Variants in MRTFA observed in about 807,000 individuals in gnomAD.
MRTFA encodes the protein myocardin-related transcription factor A.
A neutral mutation model predicts 83.5 loss-of-function variants in MRTFA; 20 were observed. The observed-to-expected ratio is 0.24, with a 90% CI of 0.17 to 0.35. The LOEUF (loss-of-function observed/expected upper bound fraction) is 0.35, where lower values mean the gene tolerates loss of function less well. MRTFA is among the 10% of genes least tolerant of loss of function. MRTFA has a pLI of 1.00. For synonymous variants in MRTFA, 659 were observed against 541.2 expected (o/e 1.22, Z -3.02); for missense variants, 1,200 against 1,224.7 (o/e 0.98, Z 0.30).
chr22:40,586,918 GTGCTGGTGC>G lies in MRTFA; in HGVS notation c.-22+7747_-22+7755del, dbSNP rs2056038742. ...GGTGCTGCTGGTGCTGCTGGTGCTGGTGCTGGTGCTGCTGCTGCTGCTGCCACCGCCGCC... is the reference window on the plus strand; with the variant it reads ...GGTGCTGCTGGTGCTGCTGGTGCTGGTGCTGCTGCTGCTGCCACCGCCGCC... On this transcript the variant is annotated intron_variant, in intron 2 of 14. Coordinates refer to ENST00000355630, the MANE Select transcript of MRTFA (RefSeq NM_020831.6). 48 of 432,128 alleles carry G rather than the reference GTGCTGGTGC, an allele frequency of 1.1e-4. No individual in the cohort carries two copies. The East Asian group carries it at 1.1e-3, about 10-fold the overall frequency. The allele number at this position is 432,128 out of a possible 1,614,324, so 26.8% of individuals were successfully genotyped here. A position where few individuals can be genotyped will look rare whatever the true frequency, so the allele number is the denominator to read the frequency against.
Position 40,558,781 on chromosome 22 carries a change from T to G in MRTFA, c.-21-6414A>C, listed in dbSNP as rs1056928218. 1.9e-3 allele frequency among the ~76,000 whole-genome samples: 269 copies of G among 143,640 alleles called. 1 individual carries two copies. Among genetic ancestry groups the G allele is most frequent in the Non-Finnish European group, 5.5e-4 (36 of 65,922 alleles). 94.2% of individuals were successfully genotyped at this position (143,640 alleles called of 152,430 possible). On this transcript the variant is annotated intron_variant, in intron 2 of 14. Transcript: ENST00000355630. ...TTGGTTTTTTGGTTTTTGTTTTTTT[T>G]GGGGGGGTTTTTTGGGTTTTTTTTT...
rs1460655710 is a variant in MRTFA, at chr22:40,410,938, G to GA, written c.*451_*452insT. 1 of 236,062 alleles carries GA rather than the reference G, an allele frequency of 4.2e-6. No individual in the cohort carries two copies. Among genetic ancestry groups the GA allele is most frequent in the East Asian group, 6.0e-5 (1 of 16,600 alleles). 14.6% of individuals were successfully genotyped at this position (236,062 alleles called of 1,614,324 possible). ...TGGGGTTGGCAGACACAGGGAATAG[G>GA]GGGTAGAGGCCCAGGCTAATTTCTC... is the stretch of plus-strand genomic sequence containing the variant. On this transcript the variant is annotated 3_prime_UTR_variant, in exon 15 of 15. Transcript: ENST00000355630.
intron 9 of MRTFA, 70 bp downstream of exon 9, chr22:40,423,466 G>A: frequency 7.5e-7 from 1 of 1,335,438 alleles, no homozygotes; most frequent in East Asian, 2.7e-5. Flanking sequence ...CCCCACAGCT[G>A]GAATGAAGTC....
intron 3 of MRTFA, among the ~76,000 whole-genome samples, chr22:40,505,220 C>G (rs2054561155): frequency 6.6e-6 from 1 of 152,100 alleles, no homozygotes; most frequent in African/African-American, 2.4e-5. Context: ...CAAAATTAGC[C>G]CCTGCTAACG....
intron 3 of MRTFA, among the ~76,000 whole-genome samples, chr22:40,495,666 G>T (rs377076710): frequency 6.6e-6 from 1 of 150,878 alleles, no homozygotes; most frequent in African/African-American, 2.4e-5. Flanking sequence ...GGCTGAGGCA[G>T]GAGAGTCGCT....
At chr22:40,471,520 A>G (rs933301891) in intron 3 of MRTFA, among the ~76,000 whole-genome samples, 1 of 152,250 alleles carries the variant, frequency 6.6e-6, no homozygotes, top group African/African-American at 2.4e-5. Context: ...GGAGACTGAA[A>G]TAGTAATCTT....
chr22:40,578,254 A>G (rs2055896800), intron 2 of MRTFA, among the ~76,000 whole-genome samples: 1 of 152,070 alleles, frequency 6.6e-6, no homozygotes, highest in Admixed American at 6.6e-5. Context: ...AGGCTTGGCC[A>G]GAATTCATGA....
intron 3 of MRTFA, among the ~76,000 whole-genome samples, chr22:40,493,894 T>C (rs1379889410): frequency 1.3e-5 from 2 of 152,252 alleles, no homozygotes; most frequent in African/African-American, 4.8e-5. Context: ...GTCTCAGTTC[T>C]GTGCCTGATG....
chr22:40,442,112 C>T (rs1003394066), intron 4 of MRTFA, among the ~76,000 whole-genome samples: 5 of 152,182 alleles, frequency 3.3e-5, no homozygotes, highest in African/African-American at 1.2e-4. Context: ...GATTCACAAG[C>T]AGTTCTAGAA....
At chr22:40,414,871 TCAC>T (rs1174217002) in intron 14 of MRTFA, 1 of 152,174 alleles carries the variant, frequency 6.6e-6, no homozygotes, top group Non-Finnish European at 1.5e-5. Flanking sequence ...TTTTATTATC[TCAC>T]CACAACTAAA....
intron 3 of MRTFA, among the ~76,000 whole-genome samples, chr22:40,536,418 G>A (rs1291204445): frequency 1.3e-5 from 2 of 150,376 alleles, no homozygotes; most frequent in East Asian, 2.0e-4. Context: ...CCGCCCGGGA[G>A]GCAGCGGCTG....
rs779709805 is a variant in MRTFA, at chr22:40,419,261, C to T, written c.1477G>A (p.Ala493Thr). 1.2e-6 allele frequency: 2 copies of T among 1,612,988 alleles called. No homozygotes were observed. Among genetic ancestry groups the T allele is most frequent in the East Asian group, 2.2e-5 (1 of 44,842 alleles). The change falls in exon 12 of 15, where the codon GCC becomes ACC. Residue 493 changes from alanine to threonine, a missense_variant. Ala to Thr is a moderately conservative substitution (Grantham distance 58). Transcript: ENST00000355630. ...TGCAGGATAGAGGTGGCGGCAGGGG[C>T]CTTGGGGGCTCCTGGCACAGGGCTG... is the stretch of plus-strand genomic sequence containing the variant.
At chr22:40,612,293 T>C (rs2056395700) in intron 1 of MRTFA, among the ~76,000 whole-genome samples, 1 of 152,102 alleles carries the variant, frequency 6.6e-6, no homozygotes, top group South Asian at 2.1e-4. Context: ...TGACTGCAGT[T>C]AGGAAACGGC....
chr22:40,411,892 A>T lies in MRTFA; in HGVS notation c.2594T>A (p.Phe865Tyr), dbSNP rs1415546918. ...CCCTGGCAGGGATGGCGGCTCCTTG[A>T]AATCTGCTGAAATTTCTGCCAATCA... The change falls in exon 15 of 15, where the codon TTC becomes TAC. Residue 865 changes from phenylalanine to tyrosine, a missense_variant. By Grantham distance (22) the Phe-to-Tyr change is conservative (BLOSUM62 3). Coordinates refer to ENST00000355630, the MANE Select transcript of MRTFA (RefSeq NM_020831.6). The T allele has an allele frequency of 6.8e-7, 1 of 1,479,600 alleles. No individual in the cohort carries two copies. The highest frequency in any genetic ancestry group is 2.5e-5 in the Admixed American group (1 of 40,772). 91.7% of individuals were successfully genotyped at this position (1,479,600 alleles called of 1,614,324 possible). A position where few individuals can be genotyped will look rare whatever the true frequency, so the allele number is the denominator to read the frequency against.
At chr22:40,550,948 T>C (rs1041647163) in intron 3 of MRTFA, among the ~76,000 whole-genome samples, 37 of 150,210 alleles carry the variant, frequency 2.5e-4, no homozygotes, top group African/African-American at 8.4e-4. Flanking sequence ...GCCTCCCAGG[T>C]TCAAGCAGTT....
At chr22:40,459,193 C>G (rs1569277185) in intron 4 of MRTFA, among the ~76,000 whole-genome samples, 1 of 126,290 alleles carries the variant, frequency 7.9e-6, no homozygotes. Flanking sequence ...AGTCGGGGGA[C>G]ACAGGGTAGT....
chr22:40,555,586 TTA>T (rs145891906), intron 2 of MRTFA, among the ~76,000 whole-genome samples: 13 of 148,978 alleles, frequency 8.7e-5, no homozygotes, highest in South Asian at 2.1e-4. Flanking sequence ...AAAAAAAATT[TTA>T]TATATATATA....
intron 3 of MRTFA, among the ~76,000 whole-genome samples, chr22:40,492,804 T>C (rs372908328): frequency 2.6e-5 from 4 of 152,312 alleles, no homozygotes; most frequent in East Asian, 3.9e-4. Flanking sequence ...ATCACAGTAC[T>C]GATGTGGGAA....
chr22:40,445,542 G>A (rs1011312004), intron 4 of MRTFA, among the ~76,000 whole-genome samples: 11 of 150,838 alleles, frequency 7.3e-5, no homozygotes, highest in Admixed American at 4.0e-4. Flanking sequence ...TTTTTGTTTT[G>A]TTTTGTTTTT....
Sources: gnomAD v4.1 joint callset for allele counts (sites outside exome capture counted in the v4.1 genomes callset) on GRCh38, gnomAD v4.1.1 for gene constraint, MANE v1.5 for transcripts, NCBI Gene and HGNC (gene_info 2026-07-23, HGNC 2026-07-21) for gene names.